FAM47E: variants seen among roughly 807,000 people sequenced by gnomAD.
FAM47E encodes the protein family with sequence similarity 47 member E.
A neutral mutation model predicts 41.6 loss-of-function variants in FAM47E; 32 were observed. The ratio of observed to expected loss-of-function variants is 0.77; its 90% confidence interval spans 0.58 to 1.03. The LOEUF (loss-of-function observed/expected upper bound fraction) is 1.03, where lower values mean the gene tolerates loss of function less well. FAM47E is among the 50% of genes least tolerant of loss of function. The pLI is 0.00. For synonymous variants in FAM47E, 184 were observed against 188.7 expected (o/e 0.98, Z 0.20); for missense variants, 424 against 485.4 (o/e 0.87, Z 1.19).
chr4:76,223,956 G>T (rs1396546000), intron 2 of FAM47E, among the ~76,000 whole-genome samples: 1 of 152,164 alleles, frequency 6.6e-6, no homozygotes, highest in Non-Finnish European at 1.5e-5. Flanking sequence ...CAGTCATGCT[G>T]TCTTCCCAGG....
chr4:76,268,874 A>G (rs986664201), intron 4 of FAM47E, 106 bp downstream of exon 4: 1 of 1,400,154 alleles, frequency 7.1e-7, no homozygotes, highest in Non-Finnish European at 9.6e-7. Flanking sequence ...TGCTTTTATT[A>G]AAAAACAGTA....
In FAM47E at chr4:76,283,666, T is replaced by G. The variant is rs1735451987; in HGVS notation, c.*208T>G. The G allele has an allele frequency of 1.0e-5, 5 of 477,698 alleles. No individual in the cohort carries two copies. The South Asian group carries it at 1.5e-4, about 14-fold the overall frequency. The allele number at this position is 477,698 out of a possible 1,614,324, so 29.6% of individuals were successfully genotyped here. ...TTCAGTTAATCAACATTTTGTATAC[T>G]TTATCACCCATGAGATCAATATTCA... On this transcript the variant is annotated 3_prime_UTR_variant, in exon 8 of 8. Coordinates refer to ENST00000424749, the MANE Select transcript of FAM47E (RefSeq NM_001136570.3).
intron 2 of FAM47E, among the ~76,000 whole-genome samples, chr4:76,237,760 C>T (rs1733618999): frequency 6.6e-6 from 1 of 152,066 alleles, no homozygotes; most frequent in South Asian, 2.1e-4. Flanking sequence ...ATCACATGGC[C>T]AGAGCAGGAG....
At chr4:76,280,403 G>A (rs1735296595) in intron 7 of FAM47E, 62 bp downstream of exon 7, 1 of 988,608 alleles carries the variant, frequency 1.0e-6, no homozygotes, top group Non-Finnish European at 1.5e-6. Flanking sequence ...AGTTGTTGAC[G>A]GGAAGAGGTT....
chr4:76,250,258 G>A (rs1733923561), upstream of FAM47E, among the ~76,000 whole-genome samples: 2 of 152,264 alleles, frequency 1.3e-5, no homozygotes, highest in African/African-American at 4.8e-5. Flanking sequence ...CAGTTTTGCT[G>A]GAGTAAGGTG....
rs143733202 is a variant in FAM47E at position 76,214,243 on chromosome 4, G to A, written c.-211G>A. On this transcript the variant is annotated 5_prime_UTR_variant, in exon 1 of 8. Transcript: ENST00000510197. ...GTTACCGCAATTACAACACAATGTAGCAAGTGCTTCTACCAGGTGCCTGCT... is the reference window on the plus strand; with the variant it reads ...GTTACCGCAATTACAACACAATGTAACAAGTGCTTCTACCAGGTGCCTGCT... 559 of 455,108 alleles carry A rather than the reference G, an allele frequency of 1.2e-3. 5 individuals are homozygous for A. The highest frequency in any genetic ancestry group is 9.6e-3 in the Middle Eastern group (20 of 2,094). 28.2% of individuals were successfully genotyped at this position (455,108 alleles called of 1,614,324 possible). A position where few individuals can be genotyped will look rare whatever the true frequency, so the allele number is the denominator to read the frequency against.
intron 2 of FAM47E, among the ~76,000 whole-genome samples, chr4:76,220,651 GCTA>G (rs1275651460): frequency 6.6e-6 from 1 of 152,144 alleles, no homozygotes; most frequent in African/African-American, 2.4e-5. Flanking sequence ...CCTGATACAT[GCTA>G]CTACAGTGCA....
intron 2 of FAM47E, among the ~76,000 whole-genome samples, chr4:76,245,108 G>A (rs1042505930): frequency 6.6e-6 from 1 of 151,748 alleles, no homozygotes; most frequent in Admixed American, 6.5e-5. Context: ...CACTAGTAAC[G>A]ATGCTGCAGC....
upstream of FAM47E, among the ~76,000 whole-genome samples, chr4:76,247,658 T>C (rs1733856136): frequency 6.6e-6 from 1 of 152,178 alleles, no homozygotes; most frequent in South Asian, 2.1e-4. Context: ...TGAAGTAGTA[T>C]CTCATTGTGG....
chr4:76,250,687 A>AGGGG (rs1219382753), upstream of FAM47E, among the ~76,000 whole-genome samples: 3 of 152,204 alleles, frequency 2.0e-5, no homozygotes, highest in South Asian at 6.2e-4. Context: ...AGTAATAAAA[A>AGGGG]GTTTGCATTA....
chr4:76,264,540 CAT>C (rs1734549690), intron 3 of FAM47E, among the ~76,000 whole-genome samples: 1 of 152,030 alleles, frequency 6.6e-6, no homozygotes, highest in Non-Finnish European at 1.5e-5. Flanking sequence ...AATTAAATAA[CAT>C]AAACGCAGTG....
chr4:76,252,567 A>G (rs1232461531), intron 1 of FAM47E, among the ~76,000 whole-genome samples: 1 of 152,184 alleles, frequency 6.6e-6, no homozygotes, highest in Non-Finnish European at 1.5e-5. Flanking sequence ...GCAATAACTT[A>G]GGAATCAGCT....
At chr4:76,246,187 C>T (rs902518963) in intron 2 of FAM47E, among the ~76,000 whole-genome samples, 2 of 152,080 alleles carry the variant, frequency 1.3e-5, no homozygotes, top group Admixed American at 6.5e-5. Flanking sequence ...GGTAAATAGC[C>T]ACTGCTCTGA....
In FAM47E at chr4:76,283,688, T is replaced by G. The variant is rs1240120390; in HGVS notation, c.*230T>G. ...TACTTTATCACCCATGAGATCAATA[T>G]TCACATGTAATCTTCTCATATTTTT... On this transcript the variant is annotated 3_prime_UTR_variant, in exon 8 of 8. Coordinates refer to ENST00000424749, the MANE Select transcript of FAM47E (RefSeq NM_001136570.3). The G allele has an allele frequency of 2.5e-6, 1 of 407,218 alleles. No homozygotes were observed. Among genetic ancestry groups the G allele is most frequent in the African/African-American group, 2.0e-5 (1 of 50,316 alleles). The allele number at this position is 407,218 out of a possible 1,614,324, so 25.2% of individuals were successfully genotyped here.
chr4:76,247,910 C>CTTT (rs753751295), upstream of FAM47E, among the ~76,000 whole-genome samples: 13,005 of 86,582 alleles, frequency 0.15, 2,499 homozygotes, highest in East Asian at 0.61. Context: ...CACTCTCTCT[C>CTTT]TTTTTTTTTT....
chr4:76,244,533 C>CTTTTTTTTTTT (rs71212407), intron 2 of FAM47E, among the ~76,000 whole-genome samples: 5 of 66,054 alleles, frequency 7.6e-5, no homozygotes, highest in Non-Finnish European at 1.1e-4. Context: ...AGGCATTCTT[C>CTTTTTTTTTTT]TTTTTTTTTT....
chr4:76,220,340 A>C (rs891009580), intron 2 of FAM47E, among the ~76,000 whole-genome samples: 1 of 152,232 alleles, frequency 6.6e-6, no homozygotes. Context: ...AAAAGGAAAG[A>C]AATAGGCTGG....
chr4:76,238,028 T>TA (rs1344609534), intron 2 of FAM47E, among the ~76,000 whole-genome samples: 2 of 152,084 alleles, frequency 1.3e-5, no homozygotes, highest in African/African-American at 4.8e-5. Flanking sequence ...CCTGTAATGA[T>TA]ATAGAGAGGA....
At position 76,230,492 on chromosome 4, in the gene FAM47E, G is replaced by A. The variant is rs577282554; in HGVS notation, c.81+12804G>A. 3.9e-5 allele frequency among the ~76,000 whole-genome samples: 6 copies of A among 152,266 alleles called. No homozygotes were observed. In the South Asian group the frequency reaches 1.2e-3, roughly 32 times the overall value. Reference sequence around the variant, plus strand: ...AGGCCTCACCTGCCCCTCCCTGTCTGCCCACACGATGGGCCATGGCTCCTG... The same window carrying A: ...AGGCCTCACCTGCCCCTCCCTGTCTACCCACACGATGGGCCATGGCTCCTG... On this transcript the variant is annotated intron_variant, in intron 2 of 7. Transcript: ENST00000510197.
Sources: gnomAD v4.1 joint callset for allele counts (sites outside exome capture counted in the v4.1 genomes callset) on GRCh38, gnomAD v4.1.1 for gene constraint, MANE v1.5 for transcripts, NCBI Gene and HGNC (gene_info 2026-07-23, HGNC 2026-07-21) for gene names.